HEMK2: variants seen among roughly 807,000 people sequenced by gnomAD.
HEMK2 encodes HemK methyltransferase 2, ETF1 glutamine and histone H4 lysine, also known as methyltransferase HEMK2.
At chr21:28,722,138 T>C in the HEMK2 span, among the ~76,000 whole-genome samples, 3 of 151,838 alleles carry the variant, frequency 2.0e-5, no homozygotes, top group African/African-American at 7.2e-5. Flanking sequence ...TGTGTTGTCT[T>C]CCATCTAGAT....
the HEMK2 span, among the ~76,000 whole-genome samples, chr21:28,830,603 G>T: frequency 6.6e-6 from 1 of 152,162 alleles, no homozygotes; most frequent in Non-Finnish European, 1.5e-5. Context: ...TGGAGGCCAG[G>T]CGCGTGGCTC....
chr21:28,655,452 A>G, the HEMK2 span, among the ~76,000 whole-genome samples: 3 of 152,102 alleles, frequency 2.0e-5, no homozygotes, highest in Non-Finnish European at 4.4e-5. Flanking sequence ...CATCAAGGAG[A>G]ATAGGAAATA....
the HEMK2 span, among the ~76,000 whole-genome samples, chr21:28,780,007 C>CA: frequency 9.2e-5 from 14 of 151,800 alleles, no homozygotes; most frequent in Non-Finnish European, 8.8e-5. Flanking sequence ...TCACTTTAAA[C>CA]AAAAAAAACC....
chr21:28,623,680 T>C, the HEMK2 span, among the ~76,000 whole-genome samples: 1 of 152,134 alleles, frequency 6.6e-6, no homozygotes, highest in Non-Finnish European at 1.5e-5. Flanking sequence ...TCATGTCCTT[T>C]GAGGGACATG....
the HEMK2 span, among the ~76,000 whole-genome samples, chr21:28,696,523 C>G: frequency 2.0e-5 from 3 of 152,112 alleles, no homozygotes; most frequent in Non-Finnish European, 2.9e-5. Flanking sequence ...CCTCTCCTGG[C>G]TACTTTCATG....
At chr21:28,679,252 C>G in the HEMK2 span, among the ~76,000 whole-genome samples, 1 of 152,106 alleles carries the variant, frequency 6.6e-6, no homozygotes, top group African/African-American at 2.4e-5. Context: ...ATCCTAGTCT[C>G]AGATAAAACA....
the HEMK2 span, among the ~76,000 whole-genome samples, chr21:28,832,312 G>A: frequency 6.6e-6 from 1 of 152,194 alleles, no homozygotes; most frequent in Non-Finnish European, 1.5e-5. Context: ...CACAAAGCTG[G>A]GTTGAGAGAG....
the HEMK2 span, among the ~76,000 whole-genome samples, chr21:28,624,646 G>C: frequency 6.6e-6 from 1 of 152,180 alleles, no homozygotes. Context: ...TTGGGATCTA[G>C]AGACTCTAGA....
the HEMK2 span, among the ~76,000 whole-genome samples, chr21:28,805,298 C>T: frequency 6.6e-6 from 1 of 152,182 alleles, no homozygotes; most frequent in Non-Finnish European, 1.5e-5. Flanking sequence ...CTTCTCACTG[C>T]CTGTTTTCCC....
the HEMK2 span, among the ~76,000 whole-genome samples, chr21:28,591,995 A>C: frequency 6.6e-6 from 1 of 152,196 alleles, no homozygotes; most frequent in Non-Finnish European, 1.5e-5. Flanking sequence ...TATTGTGAAT[A>C]GTGCTGCAAG....
At chr21:28,613,074 T>TGATA in the HEMK2 span, among the ~76,000 whole-genome samples, 1,001 of 150,868 alleles carry the variant, frequency 6.6e-3, 8 homozygotes, top group African/African-American at 0.018. Flanking sequence ...TGAAGAAATG[T>TGATA]GATAGATAGA....
chr21:28,750,775 T>C, the HEMK2 span, among the ~76,000 whole-genome samples: 2 of 151,120 alleles, frequency 1.3e-5, no homozygotes, highest in African/African-American at 4.9e-5. Flanking sequence ...TGCAGTTCAT[T>C]AGTGACACAG....
At chr21:28,677,413 G>T in the HEMK2 span, among the ~76,000 whole-genome samples, 3 of 152,212 alleles carry the variant, frequency 2.0e-5, no homozygotes, top group Admixed American at 1.3e-4. Flanking sequence ...CTCGAACTGG[G>T]TGGAGCCCAC....
At chr21:28,682,980 G>T in the HEMK2 span, among the ~76,000 whole-genome samples, 3 of 152,006 alleles carry the variant, frequency 2.0e-5, no homozygotes, top group Admixed American at 1.3e-4. Context: ...ACACCAACAT[G>T]GCACATGTAT....
chr21:28,761,568 G>T, the HEMK2 span, among the ~76,000 whole-genome samples: 17 of 150,268 alleles, frequency 1.1e-4, no homozygotes, highest in South Asian at 3.6e-3. Context: ...TCTTCACTCG[G>T]TGTCTCAGTT....
At chr21:28,587,951 T>C in the HEMK2 span, among the ~76,000 whole-genome samples, 5 of 152,216 alleles carry the variant, frequency 3.3e-5, no homozygotes, top group Non-Finnish European at 7.3e-5. Context: ...CAAGGAAAAG[T>C]ATGATGTTGC....
the HEMK2 span, among the ~76,000 whole-genome samples, chr21:28,853,925 G>T: frequency 1.3e-5 from 2 of 152,204 alleles, no homozygotes; most frequent in African/African-American, 4.8e-5. Flanking sequence ...CACCTGGTGA[G>T]GTTGTACATG....
chr21:28,731,501 A>G, the HEMK2 span, among the ~76,000 whole-genome samples: 1 of 152,038 alleles, frequency 6.6e-6, no homozygotes, highest in Non-Finnish European at 1.5e-5. Flanking sequence ...CCCTAAATCT[A>G]AAGTTTTATG....
At chr21:28,747,788 A>G in the HEMK2 span, among the ~76,000 whole-genome samples, 4 of 152,246 alleles carry the variant, frequency 2.6e-5, no homozygotes, top group East Asian at 7.7e-4. Flanking sequence ...CTTTGCAACA[A>G]GGTGCTTTCA....
Sources: allele counts gnomAD v4.1 joint callset (sites outside exome capture counted in the v4.1 genomes callset), GRCh38; gene constraint gnomAD v4.1.1; transcripts MANE v1.5; gene names NCBI Gene and HGNC (gene_info 2026-07-23, HGNC 2026-07-21).